Variants in OTUD6B observed in about 807,000 individuals in gnomAD.
OTUD6B encodes deubiquitinase OTUD6B.
OTUD6B carries 41 observed loss-of-function variants against 36.9 expected under a neutral mutation model. The ratio of observed to expected loss-of-function variants is 1.11; its 90% CI spans 0.87 to 1.44. The LOEUF is 1.44. Among genes scored for constraint, OTUD6B ranks in the 40% most tolerant of loss-of-function variants. The pLI, the probability that OTUD6B is intolerant of heterozygous loss-of-function variation, is 0.00. For synonymous variants in OTUD6B, 114 were observed against 114.2 expected (o/e 1.00, Z 0.01); for missense variants, 356 against 344.8 (o/e 1.03, Z -0.26).
At chr8:91,081,238 T>G (rs557157173) in intron 5 of OTUD6B, among the ~76,000 whole-genome samples, 9 of 151,872 alleles carry the variant, frequency 5.9e-5, no homozygotes, top group African/African-American at 1.4e-4. Flanking sequence ...GTGACTGACT[T>G]ACTTGAAAGC....
chr8:91,080,546 G>A (rs987716136), intron 4 of OTUD6B, 123 bp from the exon 5 acceptor site: 21 of 1,459,492 alleles, frequency 1.4e-5, no homozygotes, highest in Non-Finnish European at 1.9e-5. Context: ...GAGGATAATG[G>A]TAGAGAAGGA....
intron 5 of OTUD6B, among the ~76,000 whole-genome samples, chr8:91,083,191 A>T (rs1212895264): frequency 6.6e-6 from 1 of 152,096 alleles, no homozygotes; most frequent in East Asian, 1.9e-4. Context: ...CTCTTTGAAA[A>T]TTATAGAACA....
chr8:91,084,598 C>T, intron 6 of OTUD6B, 186 bp from the exon 7 acceptor site: 1 of 324,860 alleles, frequency 3.1e-6, no homozygotes, highest in Non-Finnish European at 4.4e-6. Context: ...CCAGATCTTG[C>T]TGACTGCTGC....
intron 4 of OTUD6B, 33 bp from the exon 5 acceptor site, chr8:91,080,636 A>T: frequency 6.4e-7 from 1 of 1,561,092 alleles, no homozygotes; most frequent in Middle Eastern, 1.7e-4. Context: ...TACAAAAATT[A>T]TTAAGTGCTG....
chr8:91,073,899 A>C lies in OTUD6B; in HGVS notation c.303A>C (p.Ala101=). The stretch of plus-strand genomic sequence containing the variant: ...ATCAGCCACCTCGGATATCAAAAGC[A>C]CAAAAGAGACGGGTATGAAAGTCAT... The part of the protein sequence containing the change: ...LENQPPRISK[A]QKRREKKAAL... Residue 101 remains alanine, a synonymous_variant, in exon 3 of 7, where the codon GCA becomes GCC. Transcript: ENST00000404789. 1 of 1,589,736 alleles carries C rather than the reference A, an allele frequency of 6.3e-7. No homozygotes were observed. Among genetic ancestry groups the C allele is most frequent in the Non-Finnish European group, 8.6e-7 (1 of 1,166,158 alleles).
intron 4 of OTUD6B, among the ~76,000 whole-genome samples, chr8:91,080,018 A>T (rs1218089556): frequency 6.6e-6 from 1 of 152,094 alleles, no homozygotes; most frequent in Non-Finnish European, 1.5e-5. Flanking sequence ...ATTTTAACAT[A>T]CTGTGTAAAA....
chr8:91,070,569 C>A, intron 1 of OTUD6B, 103 bp downstream of exon 1: 4 of 1,061,344 alleles, frequency 3.8e-6, no homozygotes, highest in South Asian at 1.5e-5. Flanking sequence ...ATCTGGATCA[C>A]CCTAGACTTC....
At chr8:91,070,836 T>G (rs529874410) in intron 1 of OTUD6B, among the ~76,000 whole-genome samples, 1 of 152,276 alleles carries the variant, frequency 6.6e-6, no homozygotes, top group East Asian at 1.9e-4. Context: ...CCGCCTCAGT[T>G]TAGGAGGTTC....
chr8:91,073,264 A>G (rs1409778200), intron 2 of OTUD6B, among the ~76,000 whole-genome samples: 2 of 152,168 alleles, frequency 1.3e-5, no homozygotes, highest in Non-Finnish European at 2.9e-5. Flanking sequence ...ACTCTAGCAA[A>G]CACACACTAG....
At chr8:91,077,504 T>C (rs1812824194) in intron 3 of OTUD6B, among the ~76,000 whole-genome samples, 1 of 151,980 alleles carries the variant, frequency 6.6e-6, no homozygotes. Context: ...CTAGTCCATC[T>C]GTTAGGAATT....
At chr8:91,076,880 A>G (rs1812812077) in intron 3 of OTUD6B, 5 of 623,210 alleles carry the variant, frequency 8.0e-6, no homozygotes, top group Admixed American at 5.2e-5. Context: ...TACAAACCTT[A>G]AATAGGCTAT....
Position 91,086,628 on chromosome 8 carries a change from G to A in OTUD6B, c.*1760G>A, listed in dbSNP as rs964116524. On this transcript the variant is annotated 3_prime_UTR_variant, in exon 7 of 7. Coordinates refer to ENST00000404789, the MANE Select transcript of OTUD6B (RefSeq NM_016023.5). ...AGTATTTTAAAATAACTTATTGGCA[G>A]CTTTATTCTTTTTTTCCTTACAAGA... 5.9e-5 allele frequency: 9 copies of A among 151,930 alleles called. No homozygotes were observed. The highest frequency in any genetic ancestry group is 1.5e-5 in the Non-Finnish European group (1 of 67,938). The allele number at this position is 151,930 out of a possible 1,614,324, so 9.4% of individuals were successfully genotyped here.
chr8:91,078,171 A>G (rs1812835391), intron 3 of OTUD6B, 185 bp from the exon 4 acceptor site: 1 of 782,742 alleles, frequency 1.3e-6, no homozygotes, highest in Non-Finnish European at 1.5e-6. Context: ...AAACACACAG[A>G]TGAGTAAGAG....
Position 91,087,053 on chromosome 8 carries a change from G to A in OTUD6B, c.*2185G>A, listed in dbSNP as rs960009435. On this transcript the variant is annotated 3_prime_UTR_variant, in exon 7 of 7. Coordinates refer to ENST00000404789, the MANE Select transcript of OTUD6B (RefSeq NM_016023.5). Reference sequence around the variant, plus strand: ...CATAGTTTTGCTTATATTATGTGATGTTTGCCAAAAAAAGAATAAAAAATG... The same window carrying A: ...CATAGTTTTGCTTATATTATGTGATATTTGCCAAAAAAAGAATAAAAAATG... 1 of 151,918 alleles carries A rather than the reference G, an allele frequency of 6.6e-6. No individual in the cohort carries two copies. Among genetic ancestry groups the A allele is most frequent in the African/African-American group, 2.4e-5 (1 of 41,416 alleles). The allele number at this position is 151,918 out of a possible 1,614,324, so 9.4% of individuals were successfully genotyped here. A position where few individuals can be genotyped will look rare whatever the true frequency, so the allele number is the denominator to read the frequency against.
In OTUD6B at chr8:91,084,835, G is replaced by T. The variant is rs1029574169; in HGVS notation, c.849G>T (p.Arg283=). ...GLGEHYNSVT[R]LVNIVTENCS ...GAGAACATTATAATTCGGTTACACG[G>T]TTGGTAAACATAGTTACTGAAAATT... is the stretch of plus-strand genomic sequence containing the variant. Residue 283 remains arginine (R), a synonymous_variant, in exon 7 of 7, where the codon CGG becomes CGT. Transcript: ENST00000404789. 1 of 1,578,334 alleles carries T rather than the reference G, an allele frequency of 6.3e-7. No individual in the cohort carries two copies. The highest frequency in any genetic ancestry group is 1.1e-5 in the South Asian group (1 of 87,698).
chr8:91,080,474 TG>T, intron 4 of OTUD6B, 194 bp from the exon 5 acceptor site: 1 of 681,790 alleles, frequency 1.5e-6, no homozygotes, highest in Non-Finnish European at 1.8e-6. Flanking sequence ...TGTTCTTGGA[TG>T]GAAATGTGGT....
Position 91,073,826 on chromosome 8 carries a change from T to G in OTUD6B, c.235-5T>G, listed in dbSNP as rs1281707990. On this transcript the variant is annotated splice_polypyrimidine_tract_variant and splice_region_variant and intron_variant, in intron 2 of 6. Transcript: ENST00000404789. ...TGACTTGTTAATGCTTTTTGTTTCC[T>G]TCAGATAGATTCTGTTGCTGTTAAC... 2 of 1,572,350 alleles carry G rather than the reference T, an allele frequency of 1.3e-6. No individual in the cohort carries two copies. The highest frequency in any genetic ancestry group is 2.7e-5 in the African/African-American group (2 of 74,020).
At chr8:91,080,580 T>C (rs1387367455) in intron 4 of OTUD6B, 89 bp from the exon 5 acceptor site, 2 of 1,498,898 alleles carry the variant, frequency 1.3e-6, no homozygotes, top group Non-Finnish European at 1.8e-6. Flanking sequence ...TTGGGCATTT[T>C]TGTCAGGAAT....
At chr8:91,077,227 TACAG>T (rs1204311745) in intron 3 of OTUD6B, among the ~76,000 whole-genome samples, 1 of 151,220 alleles carries the variant, frequency 6.6e-6, no homozygotes, top group Non-Finnish European at 1.5e-5. Flanking sequence ...CAGAAAAACA[TACAG>T]ACATACACAC....
Sources: gnomAD v4.1 joint callset for allele counts (sites outside exome capture counted in the v4.1 genomes callset) on GRCh38, gnomAD v4.1.1 for gene constraint, MANE v1.5 for transcripts, NCBI Gene and HGNC (gene_info 2026-07-23, HGNC 2026-07-21) for gene names.